The following LRRC38 variants were observed in gnomAD, a reference collection of about 807,000 sequenced individuals.
LRRC38 encodes leucine rich repeat containing 38, also known as leucine-rich repeat-containing protein 38.
A neutral mutation model predicts 16.4 loss-of-function variants in LRRC38; 5 were observed. The ratio of observed to expected loss-of-function variants is 0.31; its 90% CI spans 0.16 to 0.64. The LOEUF is 0.64. LRRC38 is among the 30% of genes least tolerant of loss of function. The pLI is 0.80. For missense variants in LRRC38, 341 were observed against 401.8 expected (o/e 0.85, Z 1.29); for synonymous variants, 191 against 190.2 (o/e 1.00, Z -0.04).
chr1:13,504,767 G>GCGA, intron 1 of LRRC38, among the ~76,000 whole-genome samples: 6 of 99,328 alleles, frequency 6.0e-5, no homozygotes, highest in African/African-American at 3.1e-4. Context: ...GGGAGGGGAA[G>GCGA]GGAGGGAAGG....
rs383287 is a variant in LRRC38 at position 13,487,445 on chromosome 1, T to C, written c.632-11346A>G. On this transcript the variant is annotated intron_variant, in intron 1 of 1. Coordinates refer to ENST00000376085, the MANE Select transcript of LRRC38 (RefSeq NM_001010847.2). The surrounding 1 kb of genome is among the most constrained non-coding windows in gnomAD (Gnocchi z 4.4). ...GAAGTCAACTTCCCACCTTTCGTCT[T>C]GCGATGGGTCTACCTCCAACCCACT... 0.1 allele frequency among the ~76,000 whole-genome samples: 15,708 copies of C among 152,200 alleles called. 2,740 individuals carry two copies. The highest frequency in any genetic ancestry group is 0.36 in the African/African-American group (14,846 of 41,482).
rs1417948826 is a variant in LRRC38 at position 13,487,778 on chromosome 1, C to A, written c.632-11679G>T. 6.6e-6 allele frequency among the ~76,000 whole-genome samples: 1 copy of A among 152,194 alleles called. No individual in the cohort carries two copies. Among genetic ancestry groups the A allele is most frequent in the Non-Finnish European group, 1.5e-5 (1 of 68,034 alleles). On this transcript the variant is annotated intron_variant, in intron 1 of 1. Transcript: ENST00000376085. The surrounding 1 kb of genome is among the most constrained non-coding windows in gnomAD (Gnocchi z 4.4). ...TCTCTTGCACCGGACCGGCCCCTTG[C>A]CAACAAACAGGCCTGCAGCCAGAGG...
chr1:13,512,931 C>CAA, intron 1 of LRRC38, 32 bp downstream of exon 1: 1 of 1,404,096 alleles, frequency 7.1e-7, no homozygotes, highest in Non-Finnish European at 9.7e-7. Flanking sequence ...GCCCCCCTCC[C>CAA]TCCCTCCCCC....
At chr1:13,492,304 A>G (rs1408664421) in intron 1 of LRRC38, among the ~76,000 whole-genome samples, 2 of 152,338 alleles carry the variant, frequency 1.3e-5, no homozygotes, top group East Asian at 3.8e-4. Flanking sequence ...TTGCTTTTTA[A>G]GGCTGCATAA....
Position 13,512,927 on chromosome 1 carries a change from C to T in LRRC38, c.631+36G>A, listed in dbSNP as rs1256405586. On this transcript the variant is annotated intron_variant, in intron 1 of 1. Transcript: ENST00000376085. Reference sequence around the variant, plus strand: ...TCTGGGGTGGCCTCTCCCTGCCCCCCTCCCTCCCTCCCCCAGCCTAGCCGG... The same window carrying T: ...TCTGGGGTGGCCTCTCCCTGCCCCCTTCCCTCCCTCCCCCAGCCTAGCCGG... The T allele has an allele frequency of 1.2e-5, 16 of 1,333,528 alleles. No homozygotes were observed. In the East Asian group the frequency reaches 1.3e-4, roughly 11 times the overall value. 82.6% of individuals were successfully genotyped at this position (1,333,528 alleles called of 1,614,324 possible). A position where few individuals can be genotyped will look rare whatever the true frequency, so the allele number is the denominator to read the frequency against.
At position 13,475,541 on chromosome 1, in the gene LRRC38, C is replaced by A. The variant is rs573369741; in HGVS notation, c.*305G>T. 18 of 318,062 alleles carry A rather than the reference C, an allele frequency of 5.7e-5. No individual in the cohort carries two copies. Among genetic ancestry groups the A allele is most frequent in the African/African-American group, 3.5e-4 (17 of 48,442 alleles). 19.7% of individuals were successfully genotyped at this position (318,062 alleles called of 1,614,324 possible). ...CAGTCTTCACATTTCCTGGGGGAGG[C>A]TTTTAGTCATCAGCTATGAAGCCTG... On this transcript the variant is annotated 3_prime_UTR_variant, in exon 2 of 2. Coordinates refer to ENST00000376085, the MANE Select transcript of LRRC38 (RefSeq NM_001010847.2). The surrounding 1 kb of genome is among the most constrained non-coding windows in gnomAD (Gnocchi z 4.3).
At chr1:13,495,076 T>A (rs1389962757) in intron 1 of LRRC38, among the ~76,000 whole-genome samples, 1 of 152,150 alleles carries the variant, frequency 6.6e-6, no homozygotes, top group Non-Finnish European at 1.5e-5. Flanking sequence ...AGATATGATA[T>A]GAGATCTGAG....
At chr1:13,512,591 G>A (rs892214335) in intron 1 of LRRC38, among the ~76,000 whole-genome samples, 1 of 152,002 alleles carries the variant, frequency 6.6e-6, no homozygotes, top group African/African-American at 2.4e-5. Flanking sequence ...CTGAGAATAC[G>A]GCCGTTTCCC....
intron 1 of LRRC38, among the ~76,000 whole-genome samples, chr1:13,485,286 A>AT (rs1638917779): frequency 7.4e-6 from 1 of 134,934 alleles, no homozygotes; most frequent in South Asian, 2.4e-4. Context: ...TTAAAAAAAA[A>AT]AAAAAAAACG....
intron 1 of LRRC38, among the ~76,000 whole-genome samples, chr1:13,483,169 T>G (rs1638890425): frequency 1.3e-5 from 2 of 151,898 alleles, no homozygotes; most frequent in Admixed American, 1.3e-4. Flanking sequence ...TATTTAATTT[T>G]GAGACAGAGT....
chr1:13,495,444 G>C (rs1477780521), intron 1 of LRRC38, among the ~76,000 whole-genome samples: 2 of 152,026 alleles, frequency 1.3e-5, no homozygotes, highest in Admixed American at 1.3e-4. Context: ...CAGGCTTAAG[G>C]GCTCCGTCTA....
chr1:13,501,164 C>T lies in LRRC38; in HGVS notation c.631+11799G>A, dbSNP rs372541275. 2.6e-4 allele frequency among the ~76,000 whole-genome samples: 40 copies of T among 151,692 alleles called. 1 individual carries two copies. Among genetic ancestry groups the T allele is most frequent in the African/African-American group, 8.0e-4 (33 of 41,318 alleles). ...TGGCATACTAATATAGATATATATA[C>T]GCATATATATTAGTATATACTAAAT... On this transcript the variant is annotated intron_variant, in intron 1 of 1. Transcript: ENST00000376085.
intron 1 of LRRC38, among the ~76,000 whole-genome samples, chr1:13,481,788 C>CCTCTCTCTCT (rs1198744392): frequency 1.7e-3 from 59 of 34,474 alleles, no homozygotes; most frequent in Admixed American, 4.0e-3. Context: ...TCCCTCTCTC[C>CCTCTCTCTCT]CTCTCTCTCT....
intron 1 of LRRC38, among the ~76,000 whole-genome samples, chr1:13,504,330 C>T (rs1639184639): frequency 6.6e-6 from 1 of 152,104 alleles, no homozygotes; most frequent in Non-Finnish European, 1.5e-5. Flanking sequence ...GGTGGCCTGC[C>T]CAGCCCTGCC....
chr1:13,481,763 C>T lies in LRRC38; in HGVS notation c.632-5664G>A, dbSNP rs1216830611. On this transcript the variant is annotated intron_variant, in intron 1 of 1. Coordinates refer to ENST00000376085, the MANE Select transcript of LRRC38 (RefSeq NM_001010847.2). ...TGTCTCTGCCTCTCACTTTCTTTCCCTCTCTCTCCCTCTCTCCCTCTCTCC... is the reference window on the plus strand; with the variant it reads ...TGTCTCTGCCTCTCACTTTCTTTCCTTCTCTCTCCCTCTCTCCCTCTCTCC... Among the ~76,000 whole-genome samples the T allele has an allele frequency of 1.5e-4, 6 of 40,282 alleles. No homozygotes were observed. The African/African-American group carries it at 2.6e-3, about 17-fold the overall frequency. The allele number at this position is 40,282 out of a possible 152,430, so 26.4% of individuals were successfully genotyped here.
At chr1:13,499,713 G>A (rs1639123351) in intron 1 of LRRC38, among the ~76,000 whole-genome samples, 1 of 152,192 alleles carries the variant, frequency 6.6e-6, no homozygotes, top group African/African-American at 2.4e-5. Context: ...GCCCCAGCCT[G>A]AAAAGATAAG....
At position 13,500,108 on chromosome 1, in the gene LRRC38, G is replaced by A. The variant is rs112363779; in HGVS notation, c.631+12855C>T. ...TCTACTAAAACTACAAAAATTAGCC[G>A]GGCTGGGTAGCATGTGCGCGCCTAT... On this transcript the variant is annotated intron_variant, in intron 1 of 1. Coordinates refer to ENST00000376085, the MANE Select transcript of LRRC38 (RefSeq NM_001010847.2). Among the ~76,000 whole-genome samples, 59 of 151,956 alleles carry A rather than the reference G, an allele frequency of 3.9e-4. No homozygotes were observed. In the South Asian group the frequency reaches 6.9e-3, roughly 18 times the overall value.
intron 1 of LRRC38, among the ~76,000 whole-genome samples, chr1:13,494,537 T>A (rs894497313): frequency 1.3e-5 from 2 of 151,798 alleles, no homozygotes; most frequent in African/African-American, 4.8e-5. Context: ...CTGAAGCACA[T>A]AGCAGTGAAG....
intron 1 of LRRC38, among the ~76,000 whole-genome samples, chr1:13,512,699 G>A (rs139532853): frequency 1.2e-3 from 186 of 152,282 alleles, no homozygotes; most frequent in African/African-American, 4.3e-3. Context: ...TGGGCATCCC[G>A]AGAAGGGGAA....
Sources: gnomAD v4.1 joint callset for allele counts (sites outside exome capture counted in the v4.1 genomes callset) on GRCh38, gnomAD v4.1.1 for gene constraint, Gnocchi (gnomAD v3.1) non-coding constraint, MANE v1.5 for transcripts, NCBI Gene and HGNC (gene_info 2026-07-23, HGNC 2026-07-21) for gene names.